NGEF: variants seen among roughly 807,000 people sequenced by gnomAD.
The protein encoded by NGEF is ephexin-1.
NGEF carries 31 observed loss-of-function variants against 80.9 expected under a neutral mutation model. The ratio of observed to expected loss-of-function variants is 0.38; its 90% CI spans 0.29 to 0.52. NGEF has a LOEUF of 0.52. Ranked by LOEUF, NGEF falls within the 20% of genes least tolerant of loss-of-function variation. The pLI, the probability that NGEF is intolerant of heterozygous loss-of-function variation, is 0.84. For synonymous variants in NGEF, 371 were observed against 370.2 expected (o/e 1.00, Z -0.03); for missense variants, 709 against 926.2 (o/e 0.77, Z 3.04).
At position 232,968,179 on chromosome 2, in the gene NGEF, T is replaced by C. The variant is rs190694293; in HGVS notation, c.383+2035A>G. Among the ~76,000 whole-genome samples the C allele has an allele frequency of 4.4e-3, 667 of 151,194 alleles. 3 individuals are homozygous for C. Among genetic ancestry groups the C allele is most frequent in the African/African-American group, 0.015 (630 of 40,812 alleles). Reference sequence around the variant, plus strand: ...TCTCTGCTTACCGCAATCTCTGCCTTCCGGGTTCAAGTGATTCTCCTGCCT... The same window carrying C: ...TCTCTGCTTACCGCAATCTCTGCCTCCCGGGTTCAAGTGATTCTCCTGCCT... On this transcript the variant is annotated intron_variant, in intron 3 of 14. Coordinates refer to ENST00000264051, the MANE Select transcript of NGEF (RefSeq NM_019850.3).
chr2:232,917,443 G>A (rs1305253533), intron 5 of NGEF, among the ~76,000 whole-genome samples: 1 of 152,026 alleles, frequency 6.6e-6, no homozygotes, highest in Admixed American at 6.6e-5. Context: ...AGTGCATAGA[G>A]GAGTTACGTA....
intron 5 of NGEF, among the ~76,000 whole-genome samples, chr2:232,919,551 G>A (rs1196729387): frequency 6.6e-6 from 1 of 151,662 alleles, no homozygotes; most frequent in Non-Finnish European, 1.5e-5. Context: ...CCATATGCTT[G>A]TTTCTCTATA....
intron 1 of NGEF, 112 bp from the exon 2 acceptor site, chr2:232,975,076 A>T (rs1694265157): frequency 1.7e-6 from 1 of 599,518 alleles, no homozygotes; most frequent in South Asian, 2.3e-5. Flanking sequence ...TAATCTGCAC[A>T]TCCTGGTATC....
chr2:233,002,204 C>T (rs1443924922), intron 1 of NGEF, among the ~76,000 whole-genome samples: 1 of 151,902 alleles, frequency 6.6e-6, no homozygotes, highest in Non-Finnish European at 1.5e-5. Flanking sequence ...ACGAGTCAAA[C>T]GTTCAAAAAA....
At chr2:233,000,773 A>C (rs58582197) in intron 1 of NGEF, among the ~76,000 whole-genome samples, 5,250 of 151,212 alleles carry the variant, frequency 0.035, 318 homozygotes, top group African/African-American at 0.12. Flanking sequence ...AAAAAAAAAA[A>C]ACGAAAAAAC....
At position 232,894,071 on chromosome 2, in the gene NGEF, G is replaced by A. The variant is rs375804035; in HGVS notation, c.989+685C>T. ...CTGATCACCAGGCACTGTCCCAGCT[G>A]AGCCCCATGTGGCTTCTGGCTGCAA... On this transcript the variant is annotated intron_variant, in intron 6 of 14. Transcript: ENST00000264051. Among the ~76,000 whole-genome samples the A allele has an allele frequency of 6.6e-5, 10 of 152,380 alleles. No homozygotes were observed. The East Asian group carries it at 1.7e-3, about 26-fold the overall frequency.
intron 5 of NGEF, among the ~76,000 whole-genome samples, chr2:232,900,484 A>T (rs1575002821): frequency 1.0e-5 from 1 of 98,774 alleles, no homozygotes; most frequent in Middle Eastern, 6.7e-3. Context: ...ACACGCTCTC[A>T]CAGTCACTCA....
chr2:232,993,618 CA>C (rs1694719743), intron 1 of NGEF, among the ~76,000 whole-genome samples: 4 of 152,164 alleles, frequency 2.6e-5, no homozygotes, highest in Non-Finnish European at 2.9e-5. Flanking sequence ...AAGATGTACA[CA>C]CGTGTTTATA....
intron 5 of NGEF, among the ~76,000 whole-genome samples, chr2:232,919,979 C>T (rs1332027470): frequency 4.6e-5 from 7 of 152,188 alleles, no homozygotes; most frequent in East Asian, 1.9e-4. Flanking sequence ...GTGGCATTCA[C>T]GCGTGACGGA....
At chr2:232,882,108 G>T in intron 13 of NGEF, 78 bp downstream of exon 13, 1 of 1,338,152 alleles carries the variant, frequency 7.5e-7, no homozygotes, top group Non-Finnish European at 1.1e-6. Context: ...CCTCCAGGCA[G>T]GGCACACCGT....
rs571965687 is a variant in NGEF at position 232,951,146 on chromosome 2, A to T, written c.383+19068T>A. ...CACTGCCCCATTTTGTGAGTGTGGC[A>T]CTCACCGGAACAACAGCTCCCAGAT... is the stretch of plus-strand genomic sequence containing the variant. On this transcript the variant is annotated intron_variant, in intron 3 of 14. Transcript: ENST00000264051. Among the ~76,000 whole-genome samples the T allele has an allele frequency of 2.9e-4, 44 of 152,086 alleles. No individual in the cohort carries two copies. In the South Asian group the frequency reaches 9.1e-3, roughly 32 times the overall value.
At chr2:232,910,316 A>C (rs997685956) in intron 5 of NGEF, among the ~76,000 whole-genome samples, 2 of 152,152 alleles carry the variant, frequency 1.3e-5, no homozygotes, top group African/African-American at 4.8e-5. Flanking sequence ...GAGTCTCACA[A>C]GGAGCGCACA....
chr2:233,004,558 G>A (rs1038054685), intron 1 of NGEF, among the ~76,000 whole-genome samples: 4 of 152,224 alleles, frequency 2.6e-5, no homozygotes, highest in Non-Finnish European at 5.9e-5. Context: ...AGGGCAGAAA[G>A]ATGAGGTAAC....
chr2:232,896,530 T>G (rs1447167970), intron 5 of NGEF, among the ~76,000 whole-genome samples: 5 of 22,094 alleles, frequency 2.3e-4, no homozygotes, highest in African/African-American at 5.1e-4. Flanking sequence ...AGGGTGAGGG[T>G]GGGGGTGAGG....
intron 1 of NGEF, among the ~76,000 whole-genome samples, chr2:232,975,692 A>C (rs1181130572): frequency 6.6e-6 from 1 of 152,150 alleles, no homozygotes; most frequent in Admixed American, 6.5e-5. Context: ...AGGGGTGCTC[A>C]GGGCGAGAGA....
At chr2:232,890,878 C>G (rs1691859873) in intron 8 of NGEF, 1 of 470,744 alleles carries the variant, frequency 2.1e-6, no homozygotes, top group African/African-American at 2.0e-5. Flanking sequence ...ATCTCCACAC[C>G]CACTCCCGTC....
chr2:232,932,577 G>T (rs1273123968), intron 3 of NGEF, among the ~76,000 whole-genome samples: 1 of 152,040 alleles, frequency 6.6e-6, no homozygotes, highest in Non-Finnish European at 1.5e-5. Context: ...ATTTTTAGCA[G>T]TACCTTCACT....
intron 5 of NGEF, among the ~76,000 whole-genome samples, chr2:232,912,131 T>G (rs1692702394): frequency 6.6e-6 from 1 of 152,218 alleles, no homozygotes; most frequent in African/African-American, 2.4e-5. Context: ...GTATGATGTT[T>G]GCTATAGGTT....
In NGEF at chr2:232,909,695, C is replaced by A. The variant is rs903827661; in HGVS notation, c.828+10589G>T. 2.0e-5 allele frequency among the ~76,000 whole-genome samples: 3 copies of A among 152,132 alleles called. No individual in the cohort carries two copies. In the East Asian group the frequency reaches 5.8e-4, roughly 29 times the overall value. On this transcript the variant is annotated intron_variant, in intron 5 of 14. Transcript: ENST00000264051. ...TCAACAGTTCCAACACTGCCCACAA[C>A]CCCCTCAGCCATCCCGTCTCCCCAC...
Sources: gnomAD v4.1 joint callset for allele counts (sites outside exome capture counted in the v4.1 genomes callset) on GRCh38, gnomAD v4.1.1 for gene constraint, MANE v1.5 for transcripts, NCBI Gene and HGNC (gene_info 2026-07-23, HGNC 2026-07-21) for gene names.